PTPRD: variants seen among roughly 807,000 people sequenced by gnomAD.
PTPRD encodes protein tyrosine phosphatase receptor type D, also known as receptor-type tyrosine-protein phosphatase delta.
In PTPRD, 34 loss-of-function variants were observed where a neutral mutation model predicts 214.5. The ratio of observed to expected loss-of-function variants is 0.16; its 90% CI spans 0.12 to 0.21. The LOEUF is 0.21. Among genes scored for constraint, PTPRD ranks in the 10% least tolerant of loss-of-function variants. The pLI is 1.00. For synonymous variants in PTPRD, 1,128 were observed against 845.7 expected (o/e 1.33, Z -5.79); for missense variants, 2,545 against 2,398.7 (o/e 1.06, Z -1.27).
At chr9:8,824,407 C>T (rs1160106034) in intron 11 of PTPRD, among the ~76,000 whole-genome samples, 1 of 152,068 alleles carries the variant, frequency 6.6e-6, no homozygotes, top group South Asian at 2.1e-4. Flanking sequence ...ATGGGGGTCT[C>T]TTGCATTCAC....
intron 8 of PTPRD, among the ~76,000 whole-genome samples, chr9:9,428,566 A>G (rs2081915212): frequency 6.6e-6 from 1 of 152,236 alleles, no homozygotes; most frequent in Non-Finnish European, 1.5e-5. Context: ...ATAAACATCT[A>G]CAGAACTCTC....
intron 4 of PTPRD, among the ~76,000 whole-genome samples, chr9:10,018,239 A>G (rs1471733541): frequency 6.6e-6 from 1 of 152,046 alleles, no homozygotes; most frequent in Non-Finnish European, 1.5e-5. Flanking sequence ...ACAAAAGAAA[A>G]GGAAAGGAAA....
intron 27 of PTPRD, among the ~76,000 whole-genome samples, chr9:8,489,130 T>C (rs537913919): frequency 6.6e-5 from 10 of 152,338 alleles, no homozygotes; most frequent in East Asian, 3.9e-4. Flanking sequence ...CTTTATAATA[T>C]TGCTATGGTA....
intron 44 of PTPRD, among the ~76,000 whole-genome samples, chr9:8,322,628 CA>C (rs1402012119): frequency 1.3e-5 from 2 of 152,140 alleles, no homozygotes; most frequent in African/African-American, 4.8e-5. Context: ...GGAAGGAAGC[CA>C]ACCCCATAAC....
intron 7 of PTPRD, among the ~76,000 whole-genome samples, chr9:9,586,016 A>C (rs1303367020): frequency 6.6e-6 from 1 of 151,928 alleles, no homozygotes; most frequent in Non-Finnish European, 1.5e-5. Context: ...AAAATTAAGG[A>C]AGTTGGTAGT....
At chr9:9,746,500 A>T (rs1318837765) in intron 6 of PTPRD, among the ~76,000 whole-genome samples, 3 of 152,190 alleles carry the variant, frequency 2.0e-5, no homozygotes, top group African/African-American at 7.2e-5. Flanking sequence ...AACTTCTGTA[A>T]TTGAGAGGAA....
intron 6 of PTPRD, among the ~76,000 whole-genome samples, chr9:9,747,347 T>C (rs1183348212): frequency 6.6e-6 from 1 of 152,134 alleles, no homozygotes; most frequent in Admixed American, 6.6e-5. Flanking sequence ...AGCATCTCCA[T>C]TTCTAGAGTT....
intron 5 of PTPRD, among the ~76,000 whole-genome samples, chr9:9,905,059 A>T (rs2153815969): frequency 6.6e-6 from 1 of 152,084 alleles, no homozygotes. Context: ...ATTGTGATCT[A>T]CTCAGTAGTT....
chr9:10,318,118 A>G (rs929786602), intron 3 of PTPRD, among the ~76,000 whole-genome samples: 1 of 152,032 alleles, frequency 6.6e-6, no homozygotes, highest in African/African-American at 2.4e-5. Context: ...ATAGATATCT[A>G]CTTATAAGTC....
chr9:8,770,205 C>T (rs554458494), intron 11 of PTPRD, among the ~76,000 whole-genome samples: 1 of 151,896 alleles, frequency 6.6e-6, no homozygotes, highest in Non-Finnish European at 1.5e-5. Flanking sequence ...TTGCTTGAAC[C>T]GGGAGAAGTG....
At chr9:10,522,843 T>G (rs10809110) in intron 2 of PTPRD, among the ~76,000 whole-genome samples, 26,112 of 151,980 alleles carry the variant, frequency 0.17, 2,503 homozygotes, top group Admixed American at 0.27. Flanking sequence ...AAAAAATTAA[T>G]GCATAAATAG....
chr9:8,771,312 C>G (rs1431111202), intron 11 of PTPRD, among the ~76,000 whole-genome samples: 2 of 151,952 alleles, frequency 1.3e-5, no homozygotes, highest in Non-Finnish European at 2.9e-5. Context: ...GGAGGAAAAC[C>G]AGGCATGTAT....
intron 2 of PTPRD, among the ~76,000 whole-genome samples, chr9:10,452,615 G>C (rs781655695): frequency 2.6e-5 from 4 of 151,682 alleles, no homozygotes; most frequent in Non-Finnish European, 4.4e-5. Context: ...GTGGCCATTT[G>C]TATGTCTTCT....
At chr9:9,157,092 A>C (rs2099881865) in intron 10 of PTPRD, among the ~76,000 whole-genome samples, 1 of 152,230 alleles carries the variant, frequency 6.6e-6, no homozygotes, top group African/African-American at 2.4e-5. Flanking sequence ...TAGTGGCCGG[A>C]AACACAACAT....
At chr9:9,140,247 T>G (rs1471198354) in intron 10 of PTPRD, among the ~76,000 whole-genome samples, 1 of 152,102 alleles carries the variant, frequency 6.6e-6, no homozygotes, top group Admixed American at 6.6e-5. Flanking sequence ...TTGGCTGTTT[T>G]CCAGCAAGAC....
intron 2 of PTPRD, among the ~76,000 whole-genome samples, chr9:10,444,144 C>A (rs536399188): frequency 1.3e-5 from 2 of 151,720 alleles, no homozygotes; most frequent in African/African-American, 4.8e-5. Flanking sequence ...AAATAAAAAC[C>A]AATAAAAGCC....
At chr9:8,830,832 A>T (rs1425882009) in intron 11 of PTPRD, among the ~76,000 whole-genome samples, 1 of 152,032 alleles carries the variant, frequency 6.6e-6, no homozygotes, top group Non-Finnish European at 1.5e-5. Flanking sequence ...AAATCCCAAA[A>T]CCCTACTAGA....
chr9:8,495,661 T>A (rs975269381), intron 26 of PTPRD, among the ~76,000 whole-genome samples: 1 of 152,230 alleles, frequency 6.6e-6, no homozygotes, highest in African/African-American at 2.4e-5. Flanking sequence ...CATGGTTCTA[T>A]AAAAATTTTA....
chr9:8,713,601 C>T (rs2098393036), intron 12 of PTPRD: 2 of 1,528,700 alleles, frequency 1.3e-6, no homozygotes, highest in African/African-American at 2.7e-5. Context: ...ACCGGGAATA[C>T]CGGGACCTGA....
Sources: allele counts gnomAD v4.1 joint callset (sites outside exome capture counted in the v4.1 genomes callset), GRCh38; gene constraint gnomAD v4.1.1; transcripts MANE v1.5; gene names NCBI Gene and HGNC (gene_info 2026-07-23, HGNC 2026-07-21).